The following PTPRT variants were observed in gnomAD, a reference collection of about 807,000 sequenced individuals.
PTPRT encodes the protein receptor-type tyrosine-protein phosphatase T.
Under a neutral mutation model 176.8 loss-of-function variants are expected in PTPRT, and 56 were observed. The ratio of observed to expected loss-of-function variants is 0.32; its 90% confidence interval spans 0.26 to 0.40. The LOEUF (loss-of-function observed/expected upper bound fraction) is 0.40. PTPRT is among the 10% of genes least tolerant of loss of function. PTPRT has a pLI of 1.00. For missense variants in PTPRT, 1,540 were observed against 1,908.2 expected, an observed-to-expected ratio of 0.81 and a Z score of 3.60; for synonymous variants, 783 against 739.0, an observed-to-expected ratio of 1.06 and a Z score of -0.96.
At chr20:42,292,750 T>C (rs932389058) in intron 12 of PTPRT, among the ~76,000 whole-genome samples, 6 of 152,154 alleles carry the variant, frequency 3.9e-5, no homozygotes, top group Admixed American at 3.9e-4. Flanking sequence ...TTTGTGATAT[T>C]ACAAAATTCT....
At chr20:42,818,795 A>G (rs1237775935) in intron 2 of PTPRT, among the ~76,000 whole-genome samples, 1 of 152,198 alleles carries the variant, frequency 6.6e-6, no homozygotes, top group Non-Finnish European at 1.5e-5. Flanking sequence ...GGAAGAAAGG[A>G]TATCAGAGTT....
At chr20:42,936,700 A>G (rs1489242510) in intron 1 of PTPRT, among the ~76,000 whole-genome samples, 1 of 152,140 alleles carries the variant, frequency 6.6e-6, no homozygotes, top group East Asian at 1.9e-4. Context: ...GCAGCACAGG[A>G]GGTGGGTAGG....
chr20:42,344,772 G>C (rs1202210529), intron 11 of PTPRT, among the ~76,000 whole-genome samples: 1 of 152,098 alleles, frequency 6.6e-6, no homozygotes, highest in East Asian at 1.9e-4. Context: ...TAAATCCAGA[G>C]TGAAGACCTT....
intron 1 of PTPRT, 88 bp from the exon 2 acceptor site, chr20:42,886,020 T>A: frequency 8.8e-7 from 1 of 1,138,508 alleles, no homozygotes; most frequent in Admixed American, 2.9e-5. Flanking sequence ...CATTTACAGC[T>A]TTGAATTTTA....
intron 1 of PTPRT, among the ~76,000 whole-genome samples, chr20:42,911,322 G>T (rs1023079910): frequency 2.6e-5 from 4 of 151,930 alleles, no homozygotes; most frequent in African/African-American, 9.7e-5. Context: ...AAAAACGTCT[G>T]GCACATTTTA....
intron 17 of PTPRT, among the ~76,000 whole-genome samples, chr20:42,154,650 T>G (rs533519015): frequency 6.6e-6 from 1 of 152,246 alleles, no homozygotes; most frequent in African/African-American, 2.4e-5. Context: ...TGGATTGAAC[T>G]GGGATGAATG....
At chr20:42,440,246 CA>C (rs2059300622) in intron 9 of PTPRT, among the ~76,000 whole-genome samples, 1 of 151,962 alleles carries the variant, frequency 6.6e-6, no homozygotes, top group Admixed American at 6.6e-5. Flanking sequence ...AGCTTCACAG[CA>C]AAATTGAGCA....
At chr20:42,109,009 T>C (rs1374440783) in intron 23 of PTPRT, among the ~76,000 whole-genome samples, 1 of 151,786 alleles carries the variant, frequency 6.6e-6, no homozygotes, top group African/African-American at 2.4e-5. Flanking sequence ...GGGGCATTAA[T>C]GATCCATTGC....
chr20:42,697,099 AG>A (rs1306546975), intron 6 of PTPRT, among the ~76,000 whole-genome samples: 1 of 152,212 alleles, frequency 6.6e-6, no homozygotes, highest in Non-Finnish European at 1.5e-5. Flanking sequence ...TATAATAAAA[AG>A]GTACAAGCGG....
chr20:42,154,972 A>G (rs1989290103), intron 17 of PTPRT, among the ~76,000 whole-genome samples: 1 of 152,148 alleles, frequency 6.6e-6, no homozygotes, highest in Non-Finnish European at 1.5e-5. Flanking sequence ...CATCAGCAGG[A>G]GTAGACCTGA....
intron 16 of PTPRT, among the ~76,000 whole-genome samples, chr20:42,190,998 C>T (rs1209176771): frequency 6.6e-6 from 1 of 152,068 alleles, no homozygotes; most frequent in Non-Finnish European, 1.5e-5. Flanking sequence ...TTAATTTTCC[C>T]ACCATACCAA....
chr20:42,467,635 C>T (rs2071121994), intron 8 of PTPRT, among the ~76,000 whole-genome samples: 2 of 152,070 alleles, frequency 1.3e-5, no homozygotes, highest in Admixed American at 1.3e-4. Context: ...TAGAAATCAA[C>T]TGTCATGATT....
chr20:42,310,569 T>G (rs2145351449), intron 12 of PTPRT, among the ~76,000 whole-genome samples: 1 of 152,296 alleles, frequency 6.6e-6, no homozygotes. Context: ...ACTCCAGCAA[T>G]TTGCATTGAT....
At chr20:42,226,491 A>AAAACAAACAAAATGCAATCATTAGC (rs2056013735) in intron 15 of PTPRT, among the ~76,000 whole-genome samples, 1 of 152,224 alleles carries the variant, frequency 6.6e-6, no homozygotes, top group South Asian at 2.1e-4. Context: ...TAAATCCCTA[A>AAAACAAACAAAATGCAATCATTAGC]AAACAAACAA....
chr20:42,632,233 T>C (rs150709110), intron 7 of PTPRT, among the ~76,000 whole-genome samples: 1 of 152,106 alleles, frequency 6.6e-6, no homozygotes, highest in African/African-American at 2.4e-5. Flanking sequence ...TTTGTTGTTG[T>C]TGTTGTTTTG....
intron 1 of PTPRT, among the ~76,000 whole-genome samples, chr20:42,889,233 G>C (rs920638115): frequency 1.3e-5 from 2 of 152,188 alleles, no homozygotes; most frequent in Non-Finnish European, 2.9e-5. Context: ...GCTGAGCTCT[G>C]TTGGTCACTT....
At chr20:42,869,932 T>C (rs2078816634) in intron 2 of PTPRT, among the ~76,000 whole-genome samples, 2 of 152,162 alleles carry the variant, frequency 1.3e-5, no homozygotes, top group African/African-American at 4.8e-5. Context: ...TGGAGGGAAC[T>C]AGGTAGGCCC....
At chr20:42,424,109 A>G (rs1333349645) in intron 9 of PTPRT, among the ~76,000 whole-genome samples, 1 of 152,214 alleles carries the variant, frequency 6.6e-6, no homozygotes, top group African/African-American at 2.4e-5. Flanking sequence ...TGCTCTTGAG[A>G]TGCTGATGGG....
intron 22 of PTPRT, among the ~76,000 whole-genome samples, chr20:42,112,404 C>CTGAT (rs1459169857): frequency 3.9e-5 from 6 of 152,212 alleles, no homozygotes; most frequent in African/African-American, 1.2e-4. Context: ...CAGTGACTGA[C>CTGAT]TGATAGTAGA....
Sources: gnomAD v4.1 joint callset for allele counts (sites outside exome capture counted in the v4.1 genomes callset) on GRCh38, gnomAD v4.1.1 for gene constraint, MANE v1.5 for transcripts, NCBI Gene and HGNC (gene_info 2026-07-23, HGNC 2026-07-21) for gene names.